Variants in C12orf56 observed in about 807,000 individuals in gnomAD.
C12orf56 encodes chromosome 12 open reading frame 56, also known as uncharacterized protein C12orf56.
In C12orf56, 71 loss-of-function variants were observed where a neutral mutation model predicts 69.9. The ratio of observed to expected loss-of-function variants is 1.02; its 90% CI spans 0.84 to 1.24. The LOEUF is 1.24. Among genes scored for constraint, C12orf56 ranks in the 50% most tolerant of loss-of-function variants. C12orf56 has a pLI of 0.00. For synonymous variants in C12orf56, 276 were observed against 274.1 expected (o/e 1.01, Z -0.07); for missense variants, 732 against 738.5 (o/e 0.99, Z 0.10).
intron 1 of C12orf56, among the ~76,000 whole-genome samples, chr12:64,383,828 A>C (rs1431249462): frequency 2.0e-5 from 3 of 152,224 alleles, no homozygotes; most frequent in Non-Finnish European, 1.5e-5. Flanking sequence ...TACACATTGA[A>C]CTGATATTTG....
chr12:64,367,344 T>TTATACAGTTTA (rs2039510767), intron 1 of C12orf56, among the ~76,000 whole-genome samples: 1 of 97,030 alleles, frequency 1.0e-5, no homozygotes, highest in South Asian at 3.0e-4. Context: ...AGTTTATATA[T>TTATACAGTTTA]TATATTATAT....
At chr12:64,337,267 A>C (rs910260787) in intron 2 of C12orf56, among the ~76,000 whole-genome samples, 11 of 152,112 alleles carry the variant, frequency 7.2e-5, no homozygotes, top group Non-Finnish European at 1.5e-4. Flanking sequence ...CTAGATACCA[A>C]CTGGGAGTAC....
chr12:64,339,199 G>A (rs2136880839), intron 2 of C12orf56, among the ~76,000 whole-genome samples: 1 of 152,216 alleles, frequency 6.6e-6, no homozygotes, highest in Non-Finnish European at 1.5e-5. Flanking sequence ...AATAAAATGT[G>A]TATCCTTATC....
At chr12:64,332,091 G>A (rs2038938058) in intron 2 of C12orf56, among the ~76,000 whole-genome samples, 1 of 152,012 alleles carries the variant, frequency 6.6e-6, no homozygotes, top group South Asian at 2.1e-4. Context: ...GATCACTGGA[G>A]GCCAGGAGTT....
rs554548113 is a variant in C12orf56 at position 64,366,093 on chromosome 12, G to A, written c.253-13037C>T. Among the ~76,000 whole-genome samples the A allele has an allele frequency of 3.1e-3, 347 of 110,906 alleles. 4 individuals carry two copies. Among genetic ancestry groups the A allele is most frequent in the African/African-American group, 0.012 (333 of 27,622 alleles). The allele number at this position is 110,906 out of a possible 152,430, so 72.8% of individuals were successfully genotyped here. A position where few individuals can be genotyped will look rare whatever the true frequency, so the allele number is the denominator to read the frequency against. On this transcript the variant is annotated intron_variant, in intron 1 of 12. Transcript: ENST00000543942. ...TAATATATAGTTTGTATAATATATA[G>A]TTTATATATTATATATAATATATAG...
intron 5 of C12orf56, among the ~76,000 whole-genome samples, chr12:64,311,652 T>G (rs988473090): frequency 8.5e-5 from 13 of 152,094 alleles, no homozygotes; most frequent in Non-Finnish European, 5.9e-5. Flanking sequence ...CTGAGAATTG[T>G]GAGAAGTTCA....
intron 3 of C12orf56, among the ~76,000 whole-genome samples, chr12:64,320,850 A>T (rs998514810): frequency 2.0e-5 from 3 of 152,348 alleles, no homozygotes; most frequent in Middle Eastern, 3.4e-3. Context: ...CCAGTTTTCC[A>T]GAAGAACAGA....
At chr12:64,335,192 G>A (rs966474812) in intron 2 of C12orf56, among the ~76,000 whole-genome samples, 35 of 151,994 alleles carry the variant, frequency 2.3e-4, no homozygotes, top group Admixed American at 2.0e-3. Flanking sequence ...CGAGGTGGGC[G>A]GATCACCTGA....
intron 1 of C12orf56, among the ~76,000 whole-genome samples, chr12:64,372,453 T>G (rs1007635114): frequency 3.3e-5 from 5 of 152,234 alleles, no homozygotes; most frequent in African/African-American, 1.2e-4. Context: ...AACCTAAATC[T>G]TAAGCTGTAG....
chr12:64,365,129 C>T (rs554262134), intron 1 of C12orf56, among the ~76,000 whole-genome samples: 8 of 150,802 alleles, frequency 5.3e-5, no homozygotes, highest in Non-Finnish European at 8.8e-5. Context: ...TCATTTAATC[C>T]GCAGACAACT....
At chr12:64,371,224 A>T (rs1167879665) in intron 1 of C12orf56, among the ~76,000 whole-genome samples, 3 of 151,614 alleles carry the variant, frequency 2.0e-5, no homozygotes, top group African/African-American at 7.3e-5. Context: ...TAACACGGCA[A>T]AACTGTCTCT....
In C12orf56 at chr12:64,285,948, A is replaced by G; in HGVS notation, c.1220+6T>C. ...AAAAATCGATGATTATCTAGTTAGT[A>G]CTTACACCAGCTCATCAACCCTTTG... On this transcript the variant is annotated splice_donor_region_variant and intron_variant, in intron 7 of 12. Coordinates refer to ENST00000543942, the MANE Select transcript of C12orf56 (RefSeq NM_001170633.2). 6.4e-7 allele frequency: 1 copy of G among 1,562,218 alleles called. No homozygotes were observed. Among genetic ancestry groups the G allele is most frequent in the South Asian group, 1.2e-5 (1 of 85,604 alleles).
intron 2 of C12orf56, among the ~76,000 whole-genome samples, chr12:64,351,195 A>T (rs1374662997): frequency 6.6e-6 from 1 of 152,230 alleles, no homozygotes; most frequent in African/African-American, 2.4e-5. Flanking sequence ...CCCAAATCTT[A>T]GCAAGCATAA....
chr12:64,345,815 C>T (rs1348438329), intron 2 of C12orf56, among the ~76,000 whole-genome samples: 2 of 152,176 alleles, frequency 1.3e-5, no homozygotes, highest in Non-Finnish European at 2.9e-5. Flanking sequence ...CATAATACTT[C>T]ATACAAATGT....
At chr12:64,373,419 T>C (rs913400485) in intron 1 of C12orf56, among the ~76,000 whole-genome samples, 2 of 152,042 alleles carry the variant, frequency 1.3e-5, no homozygotes, top group African/African-American at 4.8e-5. Context: ...CACTGCACCC[T>C]AGCGTGGGCA....
At chr12:64,304,909 T>A (rs1486844307) in intron 5 of C12orf56, among the ~76,000 whole-genome samples, 2 of 152,160 alleles carry the variant, frequency 1.3e-5, no homozygotes, top group Non-Finnish European at 1.5e-5. Flanking sequence ...AGATAGTTCA[T>A]GTTCTATGTA....
intron 1 of C12orf56, among the ~76,000 whole-genome samples, chr12:64,354,895 A>C (rs939743219): frequency 6.6e-6 from 1 of 150,910 alleles, no homozygotes; most frequent in Non-Finnish European, 1.5e-5. Flanking sequence ...CCTGACCAAC[A>C]TGGTGAAACC....
chr12:64,388,625 G>A (rs2039825336), intron 1 of C12orf56, among the ~76,000 whole-genome samples: 1 of 152,206 alleles, frequency 6.6e-6, no homozygotes, highest in Non-Finnish European at 1.5e-5. Context: ...GCTCTTGTCT[G>A]TAGTGGATCA....
chr12:64,367,779 C>CA lies in C12orf56; in HGVS notation c.253-14724dup, dbSNP rs1592494757. On this transcript the variant is annotated intron_variant, in intron 1 of 12. Transcript: ENST00000543942. ...GCAGCCTCCCAAAGTGCTGGGATTA[C>CA]AGGTATGAGCCACCGTGCCAGGCAC... is the stretch of plus-strand genomic sequence containing the variant. 5.5e-5 allele frequency among the ~76,000 whole-genome samples: 8 copies of CA among 146,478 alleles called. No homozygotes were observed. In the East Asian group the frequency reaches 1.6e-3, roughly 30 times the overall value.
Sources: allele counts gnomAD v4.1 joint callset (sites outside exome capture counted in the v4.1 genomes callset), GRCh38; gene constraint gnomAD v4.1.1; transcripts MANE v1.5; gene names NCBI Gene and HGNC (gene_info 2026-07-23, HGNC 2026-07-21).